PDZRN4: variants seen among roughly 807,000 people sequenced by gnomAD.
The protein encoded by PDZRN4 is PDZ domain containing ring finger 4.
A neutral mutation model predicts 99.0 loss-of-function variants in PDZRN4; 70 were observed. The observed-to-expected ratio is 0.71, with a 90% CI of 0.58 to 0.86. The LOEUF (loss-of-function observed/expected upper bound fraction) is 0.86, where lower values mean the gene tolerates loss of function less well. Ranked by LOEUF, PDZRN4 falls within the 40% of genes least tolerant of loss-of-function variation. PDZRN4 has a pLI of 0.00. For synonymous variants in PDZRN4, 551 were observed against 501.6 expected (o/e 1.10, Z -1.32); for missense variants, 1,474 against 1,331.2 (o/e 1.11, Z -1.67).
intron 5 of PDZRN4, among the ~76,000 whole-genome samples, chr12:41,542,407 C>T (rs529360130): frequency 2.0e-5 from 3 of 152,308 alleles, no homozygotes; most frequent in East Asian, 1.9e-4. Context: ...TCAACTCAAG[C>T]CTTGCTTTCC....
intron 3 of PDZRN4, among the ~76,000 whole-genome samples, chr12:41,406,024 T>C (rs917470595): frequency 6.6e-6 from 1 of 152,086 alleles, no homozygotes; most frequent in African/African-American, 2.4e-5. Context: ...GGGTGTAATA[T>C]ACTCATGTAA....
intron 5 of PDZRN4, among the ~76,000 whole-genome samples, chr12:41,546,836 C>T (rs1938961942): frequency 1.3e-5 from 2 of 152,150 alleles, no homozygotes; most frequent in South Asian, 2.1e-4. Context: ...AAGTGCTTAA[C>T]ATTGCTATTT....
At chr12:41,494,786 A>G (rs553735878) in intron 3 of PDZRN4, among the ~76,000 whole-genome samples, 2 of 152,272 alleles carry the variant, frequency 1.3e-5, no homozygotes, top group South Asian at 2.1e-4. Flanking sequence ...ATTTCATGTC[A>G]TCGACTGAAC....
intron 3 of PDZRN4, among the ~76,000 whole-genome samples, chr12:41,493,614 G>C (rs549940471): frequency 6.6e-6 from 1 of 152,216 alleles, no homozygotes; most frequent in East Asian, 1.9e-4. Context: ...CTCTCAGATA[G>C]ACCTGAAACC....
Position 41,188,863 on chromosome 12 carries a change from A to G in PDZRN4, c.408A>G (p.Thr136=), listed in dbSNP as rs1303962168. ...CCGCGCGGGGGGGCTGCGGTCCGAC[A>G]CCCAGGGCTGGCCGGGGCGGGGGCG... is the stretch of plus-strand genomic sequence containing the variant. The part of the protein sequence containing the change: ...EVPARGGCGP[T]PRAGRGGGAR... Residue 136 remains threonine, a synonymous_variant, in exon 1 of 10, where the codon ACA becomes ACG. Coordinates refer to ENST00000402685, the MANE Select transcript of PDZRN4 (RefSeq NM_001164595.2). The G allele has an allele frequency of 8.3e-7, 1 of 1,204,138 alleles. No homozygotes were observed. Among genetic ancestry groups the G allele is most frequent in the African/African-American group, 1.6e-5 (1 of 62,506 alleles). 74.6% of individuals were successfully genotyped at this position (1,204,138 alleles called of 1,614,324 possible).
intron 3 of PDZRN4, chr12:41,437,718 T>A: frequency 2.8e-6 from 4 of 1,431,702 alleles, no homozygotes; most frequent in Non-Finnish European, 3.6e-6. Context: ...CTGGAAACTC[T>A]GTGTGTGTAT....
intron 3 of PDZRN4, among the ~76,000 whole-genome samples, chr12:41,247,743 A>G (rs113951669): frequency 0.012 from 1,776 of 152,282 alleles, 22 homozygotes; most frequent in African/African-American, 0.028. Context: ...AAATACTTAT[A>G]TTTCCAAAAT....
At chr12:41,255,356 T>C (rs990219345) in intron 3 of PDZRN4, among the ~76,000 whole-genome samples, 7 of 152,196 alleles carry the variant, frequency 4.6e-5, no homozygotes, top group African/African-American at 1.7e-4. Flanking sequence ...ACAACAGATC[T>C]AAACTGGGGC....
At chr12:41,421,394 T>C (rs950525995) in intron 3 of PDZRN4, among the ~76,000 whole-genome samples, 18 of 152,248 alleles carry the variant, frequency 1.2e-4, no homozygotes, top group Admixed American at 1.2e-3. Context: ...GGATTCACCA[T>C]GTTGGACAGG....
At chr12:41,248,352 G>A (rs921851427) in intron 3 of PDZRN4, among the ~76,000 whole-genome samples, 3 of 152,142 alleles carry the variant, frequency 2.0e-5, no homozygotes, top group Admixed American at 2.0e-4. Flanking sequence ...TCATCACCAT[G>A]CACACATGCA....
In PDZRN4 at chr12:41,334,043, C is replaced by T. The variant is rs1008999262; in HGVS notation, c.843+139855C>T. Among the ~76,000 whole-genome samples the T allele has an allele frequency of 5.1e-4, 78 of 152,142 alleles. 2 individuals carry two copies. The highest frequency in any genetic ancestry group is 2.9e-5 in the Non-Finnish European group (2 of 68,020). The stretch of plus-strand genomic sequence containing the variant: ...AGGGATCCTTATTACCAGCTGACTA[C>T]CACTCTATTGGCAGTATTTTTGTTA... On this transcript the variant is annotated intron_variant, in intron 3 of 9. Coordinates refer to ENST00000402685, the MANE Select transcript of PDZRN4 (RefSeq NM_001164595.2).
chr12:41,257,428 A>AGAAGGC (rs1408215102), intron 3 of PDZRN4, among the ~76,000 whole-genome samples: 31 of 152,292 alleles, frequency 2.0e-4, no homozygotes, highest in African/African-American at 7.2e-4. Context: ...CCTGCCTTCT[A>AGAAGGC]ATACCATCGA....
chr12:41,191,775 TATTTATTTA>T (rs1285636935), intron 2 of PDZRN4, among the ~76,000 whole-genome samples: 398 of 19,382 alleles, frequency 0.021, 3 homozygotes, highest in East Asian at 0.12. Flanking sequence ...TTTATTTATT[TATTTATTTA>T]TTTTGTTTGT....
intron 1 of PDZRN4, among the ~76,000 whole-genome samples, chr12:41,190,065 A>G (rs1482506860): frequency 6.6e-6 from 1 of 152,138 alleles, no homozygotes. Flanking sequence ...TGCCATGGTG[A>G]GCAGGGATTT....
At position 41,339,693 on chromosome 12, in the gene PDZRN4, C is replaced by G. The variant is rs371263115; in HGVS notation, c.843+145505C>G. ...CTCCATCTGACAAGGAATTAATAGG[C>G]AGAATATGTAATGCACTCAAACAAC... On this transcript the variant is annotated intron_variant, in intron 3 of 9. Coordinates refer to ENST00000402685, the MANE Select transcript of PDZRN4 (RefSeq NM_001164595.2). Among the ~76,000 whole-genome samples the G allele has an allele frequency of 6.5e-4, 99 of 152,048 alleles. 1 individual carries two copies. The highest frequency in any genetic ancestry group is 2.3e-3 in the African/African-American group (97 of 41,494).
chr12:41,190,089 C>T (rs186906851), intron 1 of PDZRN4, among the ~76,000 whole-genome samples: 2 of 152,326 alleles, frequency 1.3e-5, no homozygotes, highest in Admixed American at 1.3e-4. Flanking sequence ...AGAATTTGCG[C>T]ACCATTCAAG....
At chr12:41,457,772 G>A (rs1469742734) in intron 3 of PDZRN4, among the ~76,000 whole-genome samples, 3 of 152,152 alleles carry the variant, frequency 2.0e-5, no homozygotes, top group African/African-American at 7.2e-5. Context: ...TTGGTGATAG[G>A]AGTAGTAAAT....
At chr12:41,387,262 A>G (rs1952177303) in intron 3 of PDZRN4, among the ~76,000 whole-genome samples, 1 of 152,118 alleles carries the variant, frequency 6.6e-6, no homozygotes, top group African/African-American at 2.4e-5. Context: ...ACTTAAACAA[A>G]TTTACAAGAA....
At chr12:41,555,230 C>CAA (rs1171846086) in intron 6 of PDZRN4, among the ~76,000 whole-genome samples, 3 of 21,134 alleles carry the variant, frequency 1.4e-4, no homozygotes, top group Non-Finnish European at 3.3e-4. Context: ...GACTCTGTCT[C>CAA]AAAAAAAAAA....
Sources: gnomAD v4.1 joint callset for allele counts (sites outside exome capture counted in the v4.1 genomes callset) on GRCh38, gnomAD v4.1.1 for gene constraint, MANE v1.5 for transcripts, NCBI Gene and HGNC (gene_info 2026-07-23, HGNC 2026-07-21) for gene names.